NUS1: variants seen among roughly 807,000 people sequenced by gnomAD.
NUS1 encodes dehydrodolichyl diphosphate synthase complex subunit NUS1.
For synonymous variants in NUS1, 135 were observed against 155.2 expected (o/e 0.87, Z 0.97); for missense variants, 292 against 382.9 (o/e 0.76, Z 1.98).
intron 3 of NUS1, among the ~76,000 whole-genome samples, chr6:117,703,052 G>A (rs553734485): frequency 6.6e-6 from 1 of 152,148 alleles, no homozygotes; most frequent in Non-Finnish European, 1.5e-5. Flanking sequence ...TTTCCTCTCT[G>A]AGGCTGCTCT....
In NUS1 at chr6:117,694,129, A is replaced by G. The variant is rs146171115; in HGVS notation, c.640A>G (p.Lys214Glu). ...GGACTTTTGCCAGTTAGTAGCCCAG[A>G]AGCAAAAGAGACCCACAGATTTGGA... ...AQDFCQLVAQ[K>E]QKRPTDLDVD... The change falls in exon 3 of 5, where the codon AAG (lysine) becomes GAG (glutamate). Residue 214 changes from lysine to glutamate, a missense_variant. Physicochemically the swap from Lys to Glu is moderately conservative, Grantham distance 56. Coordinates refer to ENST00000368494, the MANE Select transcript of NUS1 (RefSeq NM_138459.5). The G allele has an allele frequency of 4.5e-4, 730 of 1,611,842 alleles. No homozygotes were observed. The highest frequency in any genetic ancestry group is 5.5e-4 in the Non-Finnish European group (652 of 1,178,708).
At chr6:117,703,092 A>T (rs1773434505) in intron 3 of NUS1, among the ~76,000 whole-genome samples, 1 of 152,128 alleles carries the variant, frequency 6.6e-6, no homozygotes, top group East Asian at 1.9e-4. Flanking sequence ...GACATTTGTG[A>T]TGTATGGCTA....
chr6:117,706,905 C>G lies in NUS1; in HGVS notation c.792-20C>G. The G allele has an allele frequency of 6.3e-7, 1 of 1,599,730 alleles. No homozygotes were observed. Among genetic ancestry groups the G allele is most frequent in the South Asian group, 1.1e-5 (1 of 90,736 alleles). ...CAGTGTATATCTAATTGCTTTTCTC[C>G]CCCCGTGTTTTCTTTTCAGCTCTTT... is the stretch of plus-strand genomic sequence containing the variant. On this transcript the variant is annotated intron_variant, in intron 4 of 4. Coordinates refer to ENST00000368494, the MANE Select transcript of NUS1 (RefSeq NM_138459.5).
intron 3 of NUS1, among the ~76,000 whole-genome samples, chr6:117,702,220 C>T (rs1263524112): frequency 6.6e-6 from 1 of 152,146 alleles, no homozygotes. Flanking sequence ...CCTATTTGTT[C>T]TCTTTTGAAT....
At chr6:117,696,462 A>G (rs188361542) in intron 3 of NUS1, among the ~76,000 whole-genome samples, 2 of 152,284 alleles carry the variant, frequency 1.3e-5, no homozygotes, top group Admixed American at 1.3e-4. Context: ...ACTTCAAGGC[A>G]TTTAATAATC....
chr6:117,688,677 A>C (rs931245353), intron 1 of NUS1, among the ~76,000 whole-genome samples: 1 of 152,174 alleles, frequency 6.6e-6, no homozygotes, highest in Admixed American at 6.5e-5. Context: ...TAAGCCGCCA[A>C]GGTTTGGCTT....
chr6:117,704,518 C>T (rs1773473635), intron 4 of NUS1, among the ~76,000 whole-genome samples: 2 of 152,136 alleles, frequency 1.3e-5, no homozygotes, highest in Non-Finnish European at 2.9e-5. Flanking sequence ...TGTAAACAAG[C>T]ATTGTGACCG....
Position 117,675,751 on chromosome 6 carries a change from C to A in NUS1, c.81C>A (p.Arg27=). ...ACCGCACGCTCACCTCCTGGCTCCG[C>A]GTTCGGTTCGGCACCTGGAACTGGA... ...CLHRTLTSWL[R]VRFGTWNWIW... is the part of the protein sequence containing the mutation. Residue 27 remains arginine (R), a synonymous_variant, in exon 1 of 5, where the codon CGC becomes CGA. Coordinates refer to ENST00000368494, the MANE Select transcript of NUS1 (RefSeq NM_138459.5). 1.3e-6 allele frequency: 2 copies of A among 1,549,966 alleles called. No individual in the cohort carries two copies. Among genetic ancestry groups the A allele is most frequent in the Non-Finnish European group, 1.7e-6 (2 of 1,151,850 alleles).
rs759585950 is a variant in NUS1, at chr6:117,694,207, A to ATATATG, written c.691+37_691+42dup. Reference sequence around the variant, plus strand: ...TAAGTTTTTTTATATATATATACATATATATGTATATGTATGTGTGTGTGT... The same window carrying ATATATG: ...TAAGTTTTTTTATATATATATACATATATATGTATATGTATATGTATGTGTGTGTGT... On this transcript the variant is annotated intron_variant, in intron 3 of 4. Coordinates refer to ENST00000368494, the MANE Select transcript of NUS1 (RefSeq NM_138459.5). 2.2e-5 allele frequency: 28 copies of ATATATG among 1,293,458 alleles called. 1 individual carries two copies. The highest frequency in any genetic ancestry group is 4.5e-4 in the Middle Eastern group (2 of 4,470). The allele number at this position is 1,293,458 out of a possible 1,614,324, so 80.1% of individuals were successfully genotyped here. A position where few individuals can be genotyped will look rare whatever the true frequency, so the allele number is the denominator to read the frequency against.
At chr6:117,697,973 A>G (rs758959513) in intron 3 of NUS1, among the ~76,000 whole-genome samples, 3 of 152,110 alleles carry the variant, frequency 2.0e-5, no homozygotes, top group East Asian at 1.9e-4. Context: ...TCTGACCACA[A>G]TGGAATAAAA....
chr6:117,686,319 G>A (rs1211637291), intron 1 of NUS1, among the ~76,000 whole-genome samples: 1 of 151,846 alleles, frequency 6.6e-6, no homozygotes, highest in Non-Finnish European at 1.5e-5. Context: ...TTAAAAGATA[G>A]GTTGTATTTA....
intron 3 of NUS1, 25 bp from the exon 4 acceptor site, chr6:117,703,580 T>G (rs1773459427): frequency 6.6e-7 from 1 of 1,508,954 alleles, no homozygotes; most frequent in Non-Finnish European, 9.2e-7. Context: ...CATGTTAAGT[T>G]CATGTGTATT....
intron 4 of NUS1, among the ~76,000 whole-genome samples, chr6:117,704,223 A>G (rs941048565): frequency 1.8e-4 from 27 of 152,138 alleles, no homozygotes; most frequent in African/African-American, 6.3e-4. Flanking sequence ...TTATGTGGGA[A>G]TGGTGATTTT....
At position 117,709,590 on chromosome 6, in the gene NUS1, T is replaced by C. The variant is rs951486091; in HGVS notation, c.*2575T>C. On this transcript the variant is annotated 3_prime_UTR_variant, in exon 5 of 5. Coordinates refer to ENST00000368494, the MANE Select transcript of NUS1 (RefSeq NM_138459.5). ...AAATACACTGTGCATATCTGCAATT[T>C]AATCTTTGAATGTATGTTACTGGAT... 3.6e-4 allele frequency: 54 copies of C among 151,374 alleles called. No individual in the cohort carries two copies. The highest frequency in any genetic ancestry group is 1.3e-3 in the African/African-American group (52 of 41,084). The allele number at this position is 151,374 out of a possible 1,614,324, so 9.4% of individuals were successfully genotyped here. A position where few individuals can be genotyped will look rare whatever the true frequency, so the allele number is the denominator to read the frequency against.
intron 1 of NUS1, among the ~76,000 whole-genome samples, chr6:117,679,064 C>T (rs763799200): frequency 6.6e-6 from 1 of 152,122 alleles, no homozygotes; most frequent in African/African-American, 2.4e-5. Context: ...TTGACATACT[C>T]GTAAATGCCA....
chr6:117,685,925 G>T (rs946919040), intron 1 of NUS1, among the ~76,000 whole-genome samples: 1 of 150,234 alleles, frequency 6.7e-6, no homozygotes, highest in African/African-American at 2.5e-5. Context: ...TCGCGCCATT[G>T]CACTCCAGCC....
At position 117,702,317 on chromosome 6, in the gene NUS1, CT is replaced by C. The variant is rs1182212898; in HGVS notation, c.692-1284del. On this transcript the variant is annotated intron_variant, in intron 3 of 4. Transcript: ENST00000368494. ...CTCCAGTTCCAGATTGAGTCCGTAT[CT>C]TTTGGCAGCAAGTAGCAAATCATCT... Among the ~76,000 whole-genome samples the C allele has an allele frequency of 3.9e-5, 6 of 152,176 alleles. No homozygotes were observed. In the South Asian group the frequency reaches 6.2e-4, roughly 16 times the overall value.
Position 117,694,117 on chromosome 6 carries a change from T to G in NUS1, c.628T>G (p.Leu210Val). The G allele has an allele frequency of 6.2e-7, 1 of 1,612,712 alleles. No homozygotes were observed. Among genetic ancestry groups the G allele is most frequent in the Non-Finnish European group, 8.5e-7 (1 of 1,179,186 alleles). Residue 210 changes from leucine (L) to valine (V), a missense_variant, in exon 3 of 5, where the codon TTA becomes GTA. By Grantham distance (32) the Leu-to-Val change is conservative. Transcript: ENST00000368494. ...IVRAAQDFCQ[L>V]VAQKQKRPTD... ...AAGAGCTGCTCAGGACTTTTGCCAG[T>G]TAGTAGCCCAGAAGCAAAAGAGACC...
At chr6:117,703,568 T>G in intron 3 of NUS1, 37 bp from the exon 4 acceptor site, 1 of 1,393,260 alleles carries the variant, frequency 7.2e-7, no homozygotes, top group South Asian at 1.2e-5. Context: ...GCACATGCAG[T>G]GCATGTTAAG....
Sources: allele counts gnomAD v4.1 joint callset (sites outside exome capture counted in the v4.1 genomes callset), GRCh38; gene constraint gnomAD v4.1.1; transcripts MANE v1.5; gene names NCBI Gene and HGNC (gene_info 2026-07-23, HGNC 2026-07-21).